The following HS3ST3A1 variants were observed in gnomAD, a reference collection of about 807,000 sequenced individuals.
HS3ST3A1 encodes heparan sulfate-glucosamine 3-sulfotransferase 3A1.
A neutral mutation model predicts 25.7 loss-of-function variants in HS3ST3A1; 19 were observed. The observed-to-expected ratio is 0.74, with a 90% CI of 0.52 to 1.08. HS3ST3A1 has a LOEUF of 1.08. Among genes scored for constraint, HS3ST3A1 ranks in the 50% least tolerant of loss-of-function variants. HS3ST3A1 has a pLI of 0.00. For missense variants in HS3ST3A1, 459 were observed against 594.3 expected (o/e 0.77, Z 2.37); for synonymous variants, 226 against 278.6 (o/e 0.81, Z 1.88).
At chr17:13,595,846 GGTTGTT>G (rs66635656) in intron 1 of HS3ST3A1, among the ~76,000 whole-genome samples, 35 of 18,770 alleles carry the variant, frequency 1.9e-3, no homozygotes, top group Admixed American at 2.3e-3. Flanking sequence ...AGGCCTTTTT[GGTTGTT>G]GTTGTTGTTG....
chr17:13,577,882 G>GTGTGTT (rs1292180398), intron 1 of HS3ST3A1, among the ~76,000 whole-genome samples: 4 of 152,230 alleles, frequency 2.6e-5, no homozygotes, highest in African/African-American at 9.6e-5. Flanking sequence ...GTGTGTGTGT[G>GTGTGTT]TGTGTGTCAA....
At chr17:13,504,476 G>C (rs1469153744) in intron 1 of HS3ST3A1, among the ~76,000 whole-genome samples, 1 of 152,108 alleles carries the variant, frequency 6.6e-6, no homozygotes, top group Admixed American at 6.5e-5. Context: ...TTACCCTTAG[G>C]GGGATCGGTG....
chr17:13,539,679 G>C (rs1379523823), intron 1 of HS3ST3A1, among the ~76,000 whole-genome samples: 3 of 152,100 alleles, frequency 2.0e-5, no homozygotes, highest in Non-Finnish European at 4.4e-5. Flanking sequence ...GCACAAAGAA[G>C]ACAAAACACC....
intron 1 of HS3ST3A1, among the ~76,000 whole-genome samples, chr17:13,567,160 C>T (rs955763188): frequency 6.6e-6 from 1 of 152,154 alleles, no homozygotes; most frequent in African/African-American, 2.4e-5. Flanking sequence ...AGGGCCCTTA[C>T]AATTTATGCT....
intron 1 of HS3ST3A1, among the ~76,000 whole-genome samples, chr17:13,541,704 G>C (rs1906937350): frequency 1.3e-5 from 2 of 152,252 alleles, no homozygotes; most frequent in Admixed American, 1.3e-4. Context: ...ATGTTGTTTA[G>C]GTTGAGCCTT....
intron 1 of HS3ST3A1, among the ~76,000 whole-genome samples, chr17:13,521,495 G>C (rs1249993478): frequency 6.6e-6 from 1 of 152,168 alleles, no homozygotes; most frequent in African/African-American, 2.4e-5. Context: ...GGCACTCAAA[G>C]CTCATTAGTT....
intron 1 of HS3ST3A1, among the ~76,000 whole-genome samples, chr17:13,501,134 G>T (rs1223815813): frequency 6.6e-6 from 1 of 152,220 alleles, no homozygotes; most frequent in Admixed American, 6.5e-5. Context: ...CTATTGTTCA[G>T]TAGGTATGAA....
chr17:13,519,179 C>G (rs1906145746), intron 1 of HS3ST3A1, among the ~76,000 whole-genome samples: 1 of 152,190 alleles, frequency 6.6e-6, no homozygotes, highest in Non-Finnish European at 1.5e-5. Context: ...TCCATTTTCT[C>G]TGCTTAATGT....
At position 13,585,834 on chromosome 17, in the gene HS3ST3A1, T is replaced by A; in HGVS notation, c.599+14697A>T. Among the ~76,000 whole-genome samples, 2 of 143,670 alleles carry A rather than the reference T, an allele frequency of 1.4e-5. 1 individual carries two copies. The highest frequency in any genetic ancestry group is 3.0e-5 in the Non-Finnish European group (2 of 66,598). The allele number at this position is 143,670 out of a possible 152,430, so 94.3% of individuals were successfully genotyped here. Reference sequence around the variant, plus strand: ...TCCCCTTGAGACCTGTTATTCCTCCTTCTGCGTTTTTTTTTTTTTTTTTTT... The same window carrying A: ...TCCCCTTGAGACCTGTTATTCCTCCATCTGCGTTTTTTTTTTTTTTTTTTT... On this transcript the variant is annotated intron_variant, in intron 1 of 1. Coordinates refer to ENST00000284110, the MANE Select transcript of HS3ST3A1 (RefSeq NM_006042.3).
At chr17:13,583,259 T>C (rs1355796275) in intron 1 of HS3ST3A1, among the ~76,000 whole-genome samples, 3 of 152,212 alleles carry the variant, frequency 2.0e-5, no homozygotes, top group Non-Finnish European at 2.9e-5. Flanking sequence ...TGCCCTTTTA[T>C]TGGTGGGCCT....
At chr17:13,535,948 G>A (rs773335998) in intron 1 of HS3ST3A1, among the ~76,000 whole-genome samples, 1 of 152,076 alleles carries the variant, frequency 6.6e-6, no homozygotes, top group Non-Finnish European at 1.5e-5. Flanking sequence ...ATTAAGATGA[G>A]AAACTGAAAT....
intron 1 of HS3ST3A1, among the ~76,000 whole-genome samples, chr17:13,576,388 C>T (rs1372440706): frequency 6.6e-6 from 1 of 152,202 alleles, no homozygotes; most frequent in African/African-American, 2.4e-5. Flanking sequence ...GCCATGTGGG[C>T]CTCTCCATAG....
At chr17:13,500,234 T>C (rs754711038) in intron 1 of HS3ST3A1, among the ~76,000 whole-genome samples, 1 of 152,248 alleles carries the variant, frequency 6.6e-6, no homozygotes, top group Non-Finnish European at 1.5e-5. Flanking sequence ...AAATTGTTCT[T>C]CTTTACCTGA....
At chr17:13,506,164 A>G (rs144193586) in intron 1 of HS3ST3A1, among the ~76,000 whole-genome samples, 2 of 151,344 alleles carry the variant, frequency 1.3e-5, no homozygotes, top group Admixed American at 1.3e-4. Context: ...CTAAACTATG[A>G]CACAGATGGA....
chr17:13,565,075 CTGTT>C (rs1907644230), intron 1 of HS3ST3A1, among the ~76,000 whole-genome samples: 2 of 152,024 alleles, frequency 1.3e-5, no homozygotes, highest in South Asian at 2.1e-4. Context: ...TGTACTATGT[CTGTT>C]TGTTTTTTTC....
chr17:13,511,665 T>G (rs985044090), intron 1 of HS3ST3A1, among the ~76,000 whole-genome samples: 1 of 151,372 alleles, frequency 6.6e-6, no homozygotes, highest in Non-Finnish European at 1.5e-5. Flanking sequence ...TAGGTCTAGA[T>G]GAAACAGCTG....
intron 1 of HS3ST3A1, among the ~76,000 whole-genome samples, chr17:13,499,033 C>A (rs1416729771): frequency 6.6e-6 from 1 of 151,414 alleles, no homozygotes; most frequent in Non-Finnish European, 1.5e-5. Flanking sequence ...TGTTTCTGAG[C>A]TTTTAATTTT....
rs9891322 is a variant in HS3ST3A1 at position 13,506,703 on chromosome 17, A to T, written c.600-9885T>A. Among the ~76,000 whole-genome samples, 640 of 152,260 alleles carry T rather than the reference A, an allele frequency of 4.2e-3. 4 individuals carry two copies. Among genetic ancestry groups the T allele is most frequent in the African/African-American group, 0.015 (607 of 41,552 alleles). Reference sequence around the variant, plus strand: ...CTCACTATATTCCACAAGGCATGTGATGGAGGAGACCCATGTCTATGCGAT... The same window carrying T: ...CTCACTATATTCCACAAGGCATGTGTTGGAGGAGACCCATGTCTATGCGAT... On this transcript the variant is annotated intron_variant, in intron 1 of 1. Coordinates refer to ENST00000284110, the MANE Select transcript of HS3ST3A1 (RefSeq NM_006042.3).
intron 1 of HS3ST3A1, among the ~76,000 whole-genome samples, chr17:13,576,143 G>A (rs970363995): frequency 3.3e-5 from 5 of 152,276 alleles, no homozygotes; most frequent in South Asian, 4.1e-4. Flanking sequence ...TAACAATTGC[G>A]GCACAGCAAG....
Sources: allele counts gnomAD v4.1 joint callset (sites outside exome capture counted in the v4.1 genomes callset), GRCh38; gene constraint gnomAD v4.1.1; transcripts MANE v1.5; gene names NCBI Gene and HGNC (gene_info 2026-07-23, HGNC 2026-07-21).